Variants in B4GALT6 observed in about 807,000 individuals in gnomAD.
B4GALT6 encodes UDP-Gal:beta-GlcNAc beta-1,4-galactosyltransferase 6.
A neutral mutation model predicts 46.3 loss-of-function variants in B4GALT6; 14 were observed. The ratio of observed to expected loss-of-function variants is 0.30; its 90% CI spans 0.20 to 0.47. B4GALT6 has a LOEUF of 0.47. B4GALT6 is among the 20% of genes least tolerant of loss of function. The pLI, the probability that B4GALT6 is intolerant of heterozygous loss-of-function variation, is 0.99. For missense variants in B4GALT6, 386 were observed against 480.1 expected, an observed-to-expected ratio of 0.80 and a Z score of 1.83; for synonymous variants, 168 against 162.0, an observed-to-expected ratio of 1.04 and a Z score of -0.28.
Position 31,626,393 on chromosome 18 carries a change from C to T in B4GALT6, c.900-9G>A, listed in dbSNP as rs2073697785. 1 of 1,397,748 alleles carries T rather than the reference C, an allele frequency of 7.2e-7. No individual in the cohort carries two copies. Among genetic ancestry groups the T allele is most frequent in the Non-Finnish European group, 9.9e-7 (1 of 1,005,216 alleles). 86.6% of individuals were successfully genotyped at this position (1,397,748 alleles called of 1,614,324 possible). A position where few individuals can be genotyped will look rare whatever the true frequency, so the allele number is the denominator to read the frequency against. On this transcript the variant is annotated splice_polypyrimidine_tract_variant and intron_variant, in intron 7 of 8. Coordinates refer to ENST00000306851, the MANE Select transcript of B4GALT6 (RefSeq NM_004775.5). ...ATCCAGCATAGTGAACTCTACAATG[C>T]CATATATGGAAATGAAAATATAGAG...
intron 1 of B4GALT6, 117 bp downstream of exon 1, chr18:31,684,195 A>T: frequency 1.3e-6 from 2 of 1,495,262 alleles, no homozygotes; most frequent in Non-Finnish European, 1.8e-6. Flanking sequence ...TTAAAACAAA[A>T]CGCTTTTCTG....
chr18:31,678,584 G>T lies in B4GALT6; in HGVS notation c.115+5728C>A, dbSNP rs569113477. 4.6e-5 allele frequency among the ~76,000 whole-genome samples: 7 copies of T among 152,336 alleles called. No homozygotes were observed. In the East Asian group the frequency reaches 1.3e-3, roughly 29 times the overall value. Reference sequence around the variant, plus strand: ...TTCAGCTCTTCCAACAATGATGTGTGACACTTTCGGCAAGTGGCCATCTTC... The same window carrying T: ...TTCAGCTCTTCCAACAATGATGTGTTACACTTTCGGCAAGTGGCCATCTTC... On this transcript the variant is annotated intron_variant, in intron 1 of 8. Coordinates refer to ENST00000306851, the MANE Select transcript of B4GALT6 (RefSeq NM_004775.5).
At chr18:31,688,074 G>A (rs1020493511), upstream of B4GALT6, among the ~76,000 whole-genome samples, 10 of 152,110 alleles carry the variant, frequency 6.6e-5, no homozygotes, top group African/African-American at 2.4e-4. Flanking sequence ...ATTAAAAATA[G>A]TAATTATATC....
chr18:31,682,392 A>C (rs2074489893), intron 1 of B4GALT6, among the ~76,000 whole-genome samples: 1 of 152,194 alleles, frequency 6.6e-6, no homozygotes, highest in Non-Finnish European at 1.5e-5. Flanking sequence ...GCACTCTTCT[A>C]ACTGGTTTTA....
At chr18:31,660,093 G>T (rs1205162665) in intron 2 of B4GALT6, among the ~76,000 whole-genome samples, 1 of 151,106 alleles carries the variant, frequency 6.6e-6, no homozygotes, top group African/African-American at 2.4e-5. Context: ...TTAATAGCTG[G>T]AACTACAATC....
the B4GALT6 span, among the ~76,000 whole-genome samples, chr18:31,699,636 GA>G: frequency 0.55 from 57,452 of 103,924 alleles, 14,229 homozygotes; most frequent in South Asian, 0.68. Flanking sequence ...TCTCTTCCTG[GA>G]AAAAAAAAAA....
At chr18:31,705,088 T>C in the B4GALT6 span, among the ~76,000 whole-genome samples, 1 of 152,248 alleles carries the variant, frequency 6.6e-6, no homozygotes, top group Non-Finnish European at 1.5e-5. Flanking sequence ...ACAGTTATTC[T>C]GTTTTTATAG....
chr18:31,703,647 A>G, the B4GALT6 span, among the ~76,000 whole-genome samples: 2 of 152,230 alleles, frequency 1.3e-5, no homozygotes, highest in Non-Finnish European at 2.9e-5. Context: ...GATTTTCACC[A>G]TATTTGAGGT....
intron 1 of B4GALT6, among the ~76,000 whole-genome samples, chr18:31,681,728 A>G (rs1032320649): frequency 1.3e-5 from 2 of 152,252 alleles, no homozygotes; most frequent in African/African-American, 4.8e-5. Context: ...TGACATACAC[A>G]GGGCTCAGGA....
intron 7 of B4GALT6, 129 bp downstream of exon 7, chr18:31,626,867 AAAC>A: frequency 1.4e-6 from 1 of 711,882 alleles, no homozygotes; most frequent in Non-Finnish European, 2.1e-6. Context: ...GAGAAATATA[AAAC>A]AGGGTTTAGA....
At chr18:31,633,747 T>C (rs1240108538) in intron 5 of B4GALT6, among the ~76,000 whole-genome samples, 1 of 152,186 alleles carries the variant, frequency 6.6e-6, no homozygotes, top group Non-Finnish European at 1.5e-5. Flanking sequence ...GGCGTGCTCC[T>C]TTACATCATT....
At chr18:31,662,519 T>C (rs2074230380) in intron 2 of B4GALT6, among the ~76,000 whole-genome samples, 1 of 152,186 alleles carries the variant, frequency 6.6e-6, no homozygotes, top group African/African-American at 2.4e-5. Flanking sequence ...CCAATAATGA[T>C]TTAAGCTTTT....
chr18:31,664,782 C>T (rs369768792), intron 2 of B4GALT6, among the ~76,000 whole-genome samples: 1 of 152,146 alleles, frequency 6.6e-6, no homozygotes, highest in Non-Finnish European at 1.5e-5. Flanking sequence ...CCTACAGAAG[C>T]TTTTAAAATG....
At chr18:31,691,076 C>T in the B4GALT6 span, among the ~76,000 whole-genome samples, 1 of 151,886 alleles carries the variant, frequency 6.6e-6, no homozygotes, top group African/African-American at 2.4e-5. Context: ...TTGATAGGTA[C>T]AGCAAACCAC....
intron 2 of B4GALT6, among the ~76,000 whole-genome samples, chr18:31,661,464 T>A (rs1444979083): frequency 6.6e-6 from 1 of 152,170 alleles, no homozygotes; most frequent in African/African-American, 2.4e-5. Flanking sequence ...AATGCAAGAA[T>A]ATGAATAAAT....
At chr18:31,632,586 G>C (rs1249640633) in intron 5 of B4GALT6, among the ~76,000 whole-genome samples, 3 of 152,080 alleles carry the variant, frequency 2.0e-5, no homozygotes, top group Non-Finnish European at 2.9e-5. Context: ...ACTGTCTCTT[G>C]ACTTCTTATC....
intron 1 of B4GALT6, among the ~76,000 whole-genome samples, chr18:31,681,686 A>G (rs1382153840): frequency 6.6e-6 from 1 of 152,232 alleles, no homozygotes; most frequent in East Asian, 1.9e-4. Flanking sequence ...AGGAACTAAA[A>G]TGACAGAAGA....
chr18:31,709,662 G>A, the B4GALT6 span, among the ~76,000 whole-genome samples: 1 of 150,428 alleles, frequency 6.6e-6, no homozygotes, highest in Admixed American at 6.7e-5. Flanking sequence ...TAATACTTCA[G>A]TGGAAATCAA....
intron 1 of B4GALT6, among the ~76,000 whole-genome samples, chr18:31,683,956 G>C (rs962048175): frequency 6.6e-6 from 1 of 152,098 alleles, no homozygotes; most frequent in African/African-American, 2.4e-5. Context: ...ATAAAACTAC[G>C]ATTAAGCACT....
Sources: gnomAD v4.1 joint callset for allele counts (sites outside exome capture counted in the v4.1 genomes callset) on GRCh38, gnomAD v4.1.1 for gene constraint, MANE v1.5 for transcripts, NCBI Gene and HGNC (gene_info 2026-07-23, HGNC 2026-07-21) for gene names.